Variants in GLRA3 observed in about 807,000 individuals in gnomAD.
GLRA3 encodes the protein glycine receptor subunit alpha-3.
In GLRA3, 44 loss-of-function variants were observed where a neutral mutation model predicts 60.4. That is an observed-to-expected ratio of 0.73 (90% CI 0.57 to 0.94). The LOEUF is 0.94. Ranked by LOEUF, GLRA3 falls within the 40% of genes least tolerant of loss-of-function variation. The pLI, the probability that GLRA3 is intolerant of heterozygous loss-of-function variation, is 0.00. For missense variants in GLRA3, 508 were observed against 564.6 expected (o/e 0.90, Z 1.02); for synonymous variants, 223 against 192.9 (o/e 1.16, Z -1.29).
At chr4:174,692,946 AT>A (rs1407144910) in intron 5 of GLRA3, among the ~76,000 whole-genome samples, 4 of 145,054 alleles carry the variant, frequency 2.8e-5, no homozygotes, top group South Asian at 2.2e-4. Flanking sequence ...TAAAAAAAAA[AT>A]AAAAAAAAAA....
At chr4:174,785,285 A>AT (rs1739078269) in intron 2 of GLRA3, among the ~76,000 whole-genome samples, 1 of 152,082 alleles carries the variant, frequency 6.6e-6, no homozygotes, top group South Asian at 2.1e-4. Flanking sequence ...TCAAAGTTGC[A>AT]TTTTTACAAA....
chr4:174,714,047 T>C (rs1269031585), intron 5 of GLRA3, among the ~76,000 whole-genome samples: 7 of 152,230 alleles, frequency 4.6e-5, no homozygotes, highest in Non-Finnish European at 1.0e-4. Context: ...CCACTGCGAA[T>C]CAGCCTCTCC....
chr4:174,699,054 G>T (rs1395974521), intron 5 of GLRA3, among the ~76,000 whole-genome samples: 1 of 150,878 alleles, frequency 6.6e-6, no homozygotes, highest in Non-Finnish European at 1.5e-5. Flanking sequence ...CTGGAGTGCA[G>T]TGGTGTGATC....
chr4:174,825,271 T>C (rs759200307), intron 1 of GLRA3, among the ~76,000 whole-genome samples: 23 of 152,014 alleles, frequency 1.5e-4, no homozygotes, highest in Non-Finnish European at 3.1e-4. Context: ...ATATCTTACA[T>C]AGAAAAATAG....
chr4:174,684,536 G>C (rs555073863), intron 5 of GLRA3, among the ~76,000 whole-genome samples: 2 of 152,304 alleles, frequency 1.3e-5, no homozygotes, highest in Non-Finnish European at 1.5e-5. Flanking sequence ...CCTTCCCTCT[G>C]AGTGAGAAGC....
At chr4:174,828,049 A>T (rs1168890416) in intron 1 of GLRA3, among the ~76,000 whole-genome samples, 2 of 152,136 alleles carry the variant, frequency 1.3e-5, no homozygotes, top group Non-Finnish European at 2.9e-5. Context: ...TACTCTTTAA[A>T]TTATTTTTTT....
chr4:174,764,342 T>C (rs1738054231), intron 3 of GLRA3, among the ~76,000 whole-genome samples: 1 of 152,082 alleles, frequency 6.6e-6, no homozygotes, highest in South Asian at 2.1e-4. Flanking sequence ...AGTAAAGACA[T>C]TGAAGACAGT....
At chr4:174,828,630 C>A in intron 1 of GLRA3, 111 bp downstream of exon 1, 1 of 700,036 alleles carries the variant, frequency 1.4e-6, no homozygotes, top group Non-Finnish European at 2.6e-6. Context: ...TTGATTGTTT[C>A]AACAAGTCAA....
intron 1 of GLRA3, among the ~76,000 whole-genome samples, chr4:174,807,379 T>C (rs1740093163): frequency 6.6e-6 from 1 of 152,068 alleles, no homozygotes; most frequent in Non-Finnish European, 1.5e-5. Flanking sequence ...ACAGATTCAC[T>C]TTCAAAGACA....
chr4:174,652,064 C>A (rs540274662), intron 9 of GLRA3, among the ~76,000 whole-genome samples: 15 of 151,930 alleles, frequency 9.9e-5, no homozygotes, highest in Admixed American at 6.6e-4. Context: ...ATGGATGAAG[C>A]TTTTCTATCA....
Position 174,643,528 on chromosome 4 carries a change from A to T in GLRA3, c.*258T>A. 3.5e-6 allele frequency: 4 copies of T among 1,130,010 alleles called. No individual in the cohort carries two copies. The highest frequency in any genetic ancestry group is 4.4e-6 in the Non-Finnish European group (4 of 918,204). 70.0% of individuals were successfully genotyped at this position (1,130,010 alleles called of 1,614,324 possible). A position where few individuals can be genotyped will look rare whatever the true frequency, so the allele number is the denominator to read the frequency against. On this transcript the variant is annotated 3_prime_UTR_variant, in exon 10 of 10. Transcript: ENST00000274093. ...CACATTGGCAGTAAAGCTTCCACTTACATGGTTTACTGTGAAAAAACAAAT... is the reference window on the plus strand; with the variant it reads ...CACATTGGCAGTAAAGCTTCCACTTTCATGGTTTACTGTGAAAAAACAAAT...
chr4:174,659,411 T>C (rs778603395), intron 7 of GLRA3, among the ~76,000 whole-genome samples: 3 of 152,154 alleles, frequency 2.0e-5, no homozygotes, highest in Non-Finnish European at 4.4e-5. Flanking sequence ...ATTTAGGCAA[T>C]AGCCCAAACA....
intron 5 of GLRA3, among the ~76,000 whole-genome samples, chr4:174,711,354 G>GT (rs1735711905): frequency 6.6e-6 from 1 of 150,458 alleles, no homozygotes; most frequent in South Asian, 2.1e-4. Context: ...TGATTTATCT[G>GT]TTTTTTATGC....
chr4:174,750,037 C>T (rs567115879), intron 3 of GLRA3, among the ~76,000 whole-genome samples: 2 of 152,186 alleles, frequency 1.3e-5, no homozygotes, highest in Admixed American at 6.6e-5. Flanking sequence ...TCTTATATCC[C>T]ACCTCAACCT....
At chr4:174,800,609 C>G (rs958265923) in intron 1 of GLRA3, among the ~76,000 whole-genome samples, 3 of 151,844 alleles carry the variant, frequency 2.0e-5, no homozygotes, top group Admixed American at 6.6e-5. Context: ...AAACCCCCCC[C>G]GCCAAAAAAA....
intron 3 of GLRA3, among the ~76,000 whole-genome samples, chr4:174,742,842 G>T (rs1484948873): frequency 2.6e-5 from 4 of 152,118 alleles, no homozygotes; most frequent in African/African-American, 9.7e-5. Context: ...TATGTCCCTA[G>T]GAGCAGAGTT....
chr4:174,807,982 G>A (rs1464565027), intron 1 of GLRA3, among the ~76,000 whole-genome samples: 1 of 152,090 alleles, frequency 6.6e-6, no homozygotes, highest in Non-Finnish European at 1.5e-5. Flanking sequence ...TTCCTCAAAT[G>A]AAATCCATGC....
At chr4:174,729,213 C>T (rs1457257092) in intron 3 of GLRA3, among the ~76,000 whole-genome samples, 40 of 152,178 alleles carry the variant, frequency 2.6e-4, no homozygotes, top group Non-Finnish European at 2.9e-5. Context: ...CTGTTAGACA[C>T]TTAGAGAAAG....
intron 5 of GLRA3, among the ~76,000 whole-genome samples, chr4:174,684,085 A>C (rs1734460528): frequency 6.6e-6 from 1 of 152,166 alleles, no homozygotes; most frequent in Admixed American, 6.5e-5. Context: ...ATAGAATTGG[A>C]GTATTTTCTT....
Sources: allele counts gnomAD v4.1 joint callset (sites outside exome capture counted in the v4.1 genomes callset), GRCh38; gene constraint gnomAD v4.1.1; transcripts MANE v1.5; gene names NCBI Gene and HGNC (gene_info 2026-07-23, HGNC 2026-07-21).